The following IMMP1L variants were observed in gnomAD, a reference collection of about 807,000 sequenced individuals.
IMMP1L encodes inner mitochondrial membrane peptidase subunit 1, also known as mitochondrial inner membrane protease subunit 1.
In IMMP1L, 24 loss-of-function variants were observed where a neutral mutation model predicts 21.8. The ratio of observed to expected loss-of-function variants is 1.10; its 90% CI spans 0.80 to 1.55. The LOEUF (loss-of-function observed/expected upper bound fraction) is 1.55. Among genes scored for constraint, IMMP1L ranks in the 40% most tolerant of loss-of-function variants. The probability of loss-of-function intolerance (pLI) is 0.00; values close to 1 mark genes in which losing one functional copy is unlikely to be tolerated. For missense variants in IMMP1L, 195 were observed against 200.7 expected, an observed-to-expected ratio of 0.97 and a Z score of 0.17; for synonymous variants, 46 against 62.8, an observed-to-expected ratio of 0.73 and a Z score of 1.26.
At chr11:31,467,102 G>A (rs1004278979) in intron 1 of IMMP1L, among the ~76,000 whole-genome samples, 1 of 152,066 alleles carries the variant, frequency 6.6e-6, no homozygotes, top group Non-Finnish European at 1.5e-5. Flanking sequence ...CTTAGTAGTT[G>A]TTGGTTGTAG....
rs943113007 is a variant in IMMP1L at position 31,479,698 on chromosome 11, C to T, written c.-29-16393G>A. Among the ~76,000 whole-genome samples, 8 of 151,946 alleles carry T rather than the reference C, an allele frequency of 5.3e-5. No individual in the cohort carries two copies. The South Asian group carries it at 6.2e-4, about 12-fold the overall frequency. On this transcript the variant is annotated intron_variant, in intron 1 of 5. Coordinates refer to ENST00000532287, the MANE Select transcript of IMMP1L (RefSeq NM_001304274.2). ...ATTTTGTTAATGTTTATATTGATTA[C>T]GTATTGAAAATATTTTGGTTATAGC...
At chr11:31,432,797 TA>T (rs1328485637) in intron 5 of IMMP1L, among the ~76,000 whole-genome samples, 1 of 152,172 alleles carries the variant, frequency 6.6e-6, no homozygotes, top group Non-Finnish European at 1.5e-5. Flanking sequence ...TACATGAAAT[TA>T]TATGTGTGTG....
chr11:31,480,182 T>C (rs1282047985), intron 1 of IMMP1L, among the ~76,000 whole-genome samples: 2 of 152,084 alleles, frequency 1.3e-5, no homozygotes, highest in African/African-American at 4.8e-5. Context: ...CTTTTTTCTA[T>C]GGTGTTATTG....
chr11:31,482,419 A>G (rs928465683), intron 1 of IMMP1L, among the ~76,000 whole-genome samples: 2 of 152,072 alleles, frequency 1.3e-5, no homozygotes, highest in Non-Finnish European at 2.9e-5. Flanking sequence ...TAAAAAGACA[A>G]ACCTCATAGA....
intron 1 of IMMP1L, among the ~76,000 whole-genome samples, chr11:31,493,253 C>T (rs1468965995): frequency 6.6e-6 from 1 of 152,116 alleles, no homozygotes; most frequent in African/African-American, 2.4e-5. Flanking sequence ...CTGGGGAGGC[C>T]TCAGGAAACT....
At chr11:31,467,908 G>A (rs1954415342) in intron 1 of IMMP1L, among the ~76,000 whole-genome samples, 1 of 151,712 alleles carries the variant, frequency 6.6e-6, no homozygotes, top group South Asian at 2.1e-4. Context: ...CCAATGGAAT[G>A]ACAAGTACAT....
chr11:31,473,775 G>C, intron 1 of IMMP1L: 2 of 984,864 alleles, frequency 2.0e-6, no homozygotes, highest in Non-Finnish European at 2.4e-6. Context: ...TGATTGTTCA[G>C]GTCTGAAATT....
At chr11:31,475,466 C>G (rs1333371605) in intron 1 of IMMP1L, among the ~76,000 whole-genome samples, 2 of 152,148 alleles carry the variant, frequency 1.3e-5, no homozygotes, top group African/African-American at 4.8e-5. Flanking sequence ...AACTCCTGGG[C>G]TCAAAGAATC....
intron 1 of IMMP1L, among the ~76,000 whole-genome samples, chr11:31,483,150 G>A (rs141944712): frequency 1.3e-5 from 2 of 151,934 alleles, no homozygotes; most frequent in African/African-American, 4.8e-5. Flanking sequence ...ATCCTTGTTG[G>A]GGGAGGGGGC....
chr11:31,499,094 G>C (rs757359029), intron 1 of IMMP1L, among the ~76,000 whole-genome samples: 1 of 152,160 alleles, frequency 6.6e-6, no homozygotes, highest in Non-Finnish European at 1.5e-5. Context: ...GGCCGGGCGA[G>C]GTGGCTTACA....
intron 1 of IMMP1L, among the ~76,000 whole-genome samples, chr11:31,494,875 A>G (rs910361625): frequency 3.9e-5 from 6 of 152,118 alleles, no homozygotes; most frequent in Admixed American, 2.6e-4. Context: ...CAATCTCCTG[A>G]CCTCGTGATC....
intron 1 of IMMP1L, among the ~76,000 whole-genome samples, chr11:31,486,842 T>C (rs916290753): frequency 1.3e-5 from 2 of 151,828 alleles, no homozygotes; most frequent in East Asian, 3.9e-4. Context: ...AAGATTAAAA[T>C]GAGGCGAAAA....
chr11:31,488,173 G>A lies in IMMP1L; in HGVS notation c.-30+21346C>T, dbSNP rs576562540. 2.0e-5 allele frequency: 3 copies of A among 151,778 alleles called. No individual in the cohort carries two copies. The East Asian group carries it at 5.8e-4, about 29-fold the overall frequency. The allele number at this position is 151,778 out of a possible 1,614,324, so 9.4% of individuals were successfully genotyped here. On this transcript the variant is annotated intron_variant, in intron 1 of 5. Coordinates refer to ENST00000532287, the MANE Select transcript of IMMP1L (RefSeq NM_001304274.2). ...CATTCAATTTTTAGGGAAGTTGCAG[G>A]GCTTCCAGAAAAAAAAAAAATAAAG... is the stretch of plus-strand genomic sequence containing the variant.
intron 1 of IMMP1L, among the ~76,000 whole-genome samples, chr11:31,470,223 A>G (rs1171154351): frequency 6.6e-6 from 1 of 152,016 alleles, no homozygotes; most frequent in East Asian, 1.9e-4. Context: ...AGAGCAGCCT[A>G]ACCAACAAGG....
chr11:31,493,797 G>A (rs946309675), intron 1 of IMMP1L, among the ~76,000 whole-genome samples: 2 of 152,170 alleles, frequency 1.3e-5, no homozygotes, highest in Non-Finnish European at 2.9e-5. Flanking sequence ...GGGGCTGTGG[G>A]CCCCATACAA....
At chr11:31,455,563 A>C (rs915502567) in intron 4 of IMMP1L, among the ~76,000 whole-genome samples, 1 of 152,172 alleles carries the variant, frequency 6.6e-6, no homozygotes, top group Non-Finnish European at 1.5e-5. Context: ...ATCAAAATTT[A>C]AATAGGATGT....
At chr11:31,484,890 TAGAA>T (rs1316888188) in intron 1 of IMMP1L, among the ~76,000 whole-genome samples, 3 of 152,006 alleles carry the variant, frequency 2.0e-5, no homozygotes, top group South Asian at 2.1e-4. Flanking sequence ...TTTGTTGACT[TAGAA>T]AGGTTAAAAG....
chr11:31,434,902 A>G (rs1418602666), intron 4 of IMMP1L, among the ~76,000 whole-genome samples: 1 of 152,172 alleles, frequency 6.6e-6, no homozygotes. Context: ...TAAAATAGAC[A>G]TATGTGCAGT....
chr11:31,437,448 A>T (rs1953163602), intron 4 of IMMP1L, among the ~76,000 whole-genome samples: 1 of 152,206 alleles, frequency 6.6e-6, no homozygotes, highest in African/African-American at 2.4e-5. Context: ...AGCATATTGG[A>T]TTTCGCATAT....
Sources: allele counts gnomAD v4.1 joint callset (sites outside exome capture counted in the v4.1 genomes callset), GRCh38; gene constraint gnomAD v4.1.1; transcripts MANE v1.5; gene names NCBI Gene and HGNC (gene_info 2026-07-23, HGNC 2026-07-21).